Variants in HDAC7 observed in about 807,000 individuals in gnomAD.
The protein encoded by HDAC7 is histone deacetylase 7A.
Under a neutral mutation model 115.5 loss-of-function variants are expected in HDAC7, and 26 were observed. That is an observed-to-expected ratio of 0.23 (90% CI 0.16 to 0.31). The LOEUF (loss-of-function observed/expected upper bound fraction) is 0.31, where lower values mean the gene tolerates loss of function less well. Among genes scored for constraint, HDAC7 ranks in the 10% least tolerant of loss-of-function variants. The probability of loss-of-function intolerance (pLI) is 1.00; values close to 1 mark genes in which losing one functional copy is unlikely to be tolerated. For missense variants in HDAC7, 1,068 were observed against 1,329.0 expected (o/e 0.80, Z 3.05); for synonymous variants, 564 against 550.9 (o/e 1.02, Z -0.33).
At chr12:47,810,803 G>T (rs565705223) in intron 1 of HDAC7, among the ~76,000 whole-genome samples, 5 of 101,640 alleles carry the variant, frequency 4.9e-5, no homozygotes, top group East Asian at 3.4e-4. Flanking sequence ...GGGAGGAAAA[G>T]GTCTCTCTCT....
Position 47,797,219 on chromosome 12 carries a change from T to C in HDAC7, c.578-77A>G, listed in dbSNP as rs1943901682. 6 of 1,560,720 alleles carry C rather than the reference T, an allele frequency of 3.8e-6. No individual in the cohort carries two copies. The African/African-American group carries it at 8.2e-5, about 21-fold the overall frequency. Reference sequence around the variant, plus strand: ...CCCTTTAACCCCTCAGTCCCAGTCATCTCTATCGGTCAAGGAAAGAGAAGG... The same window carrying C: ...CCCTTTAACCCCTCAGTCCCAGTCACCTCTATCGGTCAAGGAAAGAGAAGG... On this transcript the variant is annotated intron_variant, in intron 6 of 25. Coordinates refer to ENST00000080059, the MANE Select transcript of HDAC7 (RefSeq NM_015401.5). The surrounding 1 kb of genome is among the most constrained non-coding windows in gnomAD (Gnocchi z 5.5).
At chr12:47,814,372 G>A (rs1018291386) in intron 1 of HDAC7, among the ~76,000 whole-genome samples, 5 of 152,202 alleles carry the variant, frequency 3.3e-5, no homozygotes, top group Admixed American at 6.5e-5. Context: ...AAGTAAAGTG[G>A]CCACAGAGGC....
chr12:47,802,706 G>T (rs763727466), intron 1 of HDAC7, among the ~76,000 whole-genome samples: 19 of 152,108 alleles, frequency 1.2e-4, no homozygotes, highest in Non-Finnish European at 1.9e-4. Flanking sequence ...GGGATGGCTG[G>T]GGGGACAGGA....
At chr12:47,802,455 C>T in intron 1 of HDAC7, 181 bp from the exon 2 acceptor site, 1 of 1,551,256 alleles carries the variant, frequency 6.4e-7, no homozygotes, top group African/African-American at 1.4e-5. Context: ...CTCCTCCAGT[C>T]CCCCTGCTGG....
chr12:47,791,794 C>A (rs1943537255), intron 14 of HDAC7, 77 bp downstream of exon 14: 1 of 1,559,698 alleles, frequency 6.4e-7, no homozygotes, highest in South Asian at 1.2e-5. Context: ...CTCTCATGGG[C>A]CCCAGGGCCC....
chr12:47,790,059 C>T (rs1943396494), intron 16 of HDAC7, 139 bp from the exon 17 acceptor site: 8 of 648,610 alleles, frequency 1.2e-5, no homozygotes, highest in Non-Finnish European at 1.9e-5. Flanking sequence ...CAGTGCCCCA[C>T]CGCCCAAAGG....
At position 47,809,565 on chromosome 12, in the gene HDAC7, G is replaced by A. The variant is rs540109938; in HGVS notation, c.20-7291C>T. On this transcript the variant is annotated intron_variant, in intron 1 of 25. Transcript: ENST00000080059. ...GGAGGGCAACATCCTCCCACTAAGC[G>A]ATTTTTATTTATTTATTTATTTTGA... Among the ~76,000 whole-genome samples, 15 of 152,082 alleles carry A rather than the reference G, an allele frequency of 9.9e-5. 1 individual carries two copies. In the South Asian group the frequency reaches 2.7e-3, roughly 27 times the overall value.
Position 47,783,684 on chromosome 12 carries a change from C to T in HDAC7, c.*157G>A, listed in dbSNP as rs1437212310. The T allele has an allele frequency of 2.0e-5, 15 of 767,244 alleles. No homozygotes were observed. Among genetic ancestry groups the T allele is most frequent in the Middle Eastern group, 5.2e-4 (2 of 3,868 alleles). 47.5% of individuals were successfully genotyped at this position (767,244 alleles called of 1,614,324 possible). A position where few individuals can be genotyped will look rare whatever the true frequency, so the allele number is the denominator to read the frequency against. ...CATTCTAGACCCAGGGATTTTCTCACGCTCCCTGGGATAACTGTCAAAGCA... is the reference window on the plus strand; with the variant it reads ...CATTCTAGACCCAGGGATTTTCTCATGCTCCCTGGGATAACTGTCAAAGCA... On this transcript the variant is annotated 3_prime_UTR_variant, in exon 26 of 26. Coordinates refer to ENST00000080059, the MANE Select transcript of HDAC7 (RefSeq NM_015401.5).
intron 1 of HDAC7, among the ~76,000 whole-genome samples, chr12:47,811,584 TG>T (rs1470834299): frequency 1.3e-5 from 2 of 152,254 alleles, no homozygotes; most frequent in African/African-American, 2.4e-5. Context: ...GCGTCTGTGA[TG>T]TTTTTTATTT....
At chr12:47,802,456 C>T (rs1220533820) in intron 1 of HDAC7, 182 bp from the exon 2 acceptor site, 1 of 1,551,126 alleles carries the variant, frequency 6.4e-7, no homozygotes, top group Non-Finnish European at 8.7e-7. Flanking sequence ...TCCTCCAGTC[C>T]CCCTGCTGGT....
intron 2 of HDAC7, chr12:47,799,180 G>A (rs1185274400): frequency 3.7e-6 from 2 of 540,192 alleles, no homozygotes; most frequent in South Asian, 2.8e-5. Flanking sequence ...CACATGAACT[G>A]TGCACAGTAA....
intron 21 of HDAC7, 70 bp from the exon 22 acceptor site, chr12:47,786,773 C>T (rs926102424): frequency 5.9e-6 from 7 of 1,186,898 alleles, no homozygotes; most frequent in Middle Eastern, 1.9e-4. Flanking sequence ...GCCAACTTTG[C>T]GGTGGGGCAC....
intron 2 of HDAC7, among the ~76,000 whole-genome samples, chr12:47,801,641 C>T (rs2525052): frequency 0.35 from 53,637 of 152,058 alleles, 10,483 homozygotes; most frequent in African/African-American, 0.5. Context: ...TTGGTTGATA[C>T]TGGCTACACT....
intron 7 of HDAC7, 108 bp from the exon 8 acceptor site, chr12:47,796,406 G>C: frequency 1.5e-6 from 1 of 660,728 alleles, no homozygotes; most frequent in East Asian, 2.9e-5. Context: ...TCCTTAACGA[G>C]CACCTTTGCT....
chr12:47,791,788 C>T (rs1943536824), intron 14 of HDAC7, 82 bp from the exon 15 acceptor site: 1 of 1,586,116 alleles, frequency 6.3e-7, no homozygotes, highest in East Asian at 2.3e-5. Context: ...CCTCATCTCT[C>T]ATGGGCCCCA....
At position 47,802,209 on chromosome 12, in the gene HDAC7, G is replaced by A. The variant is rs752511329; in HGVS notation, c.70+15C>T. The A allele has an allele frequency of 3.2e-5, 51 of 1,611,796 alleles. No homozygotes were observed. Among genetic ancestry groups the A allele is most frequent in the Admixed American group, 6.7e-5 (4 of 59,830 alleles). On this transcript the variant is annotated intron_variant, in intron 2 of 25. Transcript: ENST00000080059. Reference sequence around the variant, plus strand: ...TCCACTCCCTACCATGGACTCCCCCGGGTTTGACTCTTACCTGCGCCAGTG... The same window carrying A: ...TCCACTCCCTACCATGGACTCCCCCAGGTTTGACTCTTACCTGCGCCAGTG...
At position 47,791,302 on chromosome 12, in the gene HDAC7, A is replaced by G; in HGVS notation, c.1940T>C (p.Leu647Pro). 6.3e-7 allele frequency: 1 copy of G among 1,596,518 alleles called. No homozygotes were observed. Among genetic ancestry groups the G allele is most frequent in the South Asian group, 1.1e-5 (1 of 88,126 alleles). ...CAGCATCACAAACATCCGCTGTGCC[A>G]GGAGCCCTGCGGGGAGAGGCCCAGC... ...KLDNGKLAGLLAQRMFVMLPC... is the reference protein window; with the variant it reads ...KLDNGKLAGLPAQRMFVMLPC... Residue 647 changes from leucine to proline, a missense_variant, in exon 16 of 26, where the codon CTG becomes CCG. Physicochemically the swap from Leu to Pro is moderately conservative, Grantham distance 98. This residue lies in a region of HDAC7 where 618 missense variants were observed against 701.5 expected (regional missense o/e 0.88). Transcript: ENST00000080059.
In HDAC7 at chr12:47,795,897, G is replaced by T; in HGVS notation, c.906+9C>A. 2 of 1,545,822 alleles carry T rather than the reference G, an allele frequency of 1.3e-6. No individual in the cohort carries two copies. The highest frequency in any genetic ancestry group is 8.7e-7 in the Non-Finnish European group (1 of 1,144,980). On this transcript the variant is annotated intron_variant, in intron 9 of 25. Transcript: ENST00000080059. This position sits in a 1 kb window ranked among gnomAD's most constrained non-coding sequence, Gnocchi z 4.3. ...GCTTGGAGTGGGGGTGGGCACCCCA[G>T]CCACTCACCCTGGCAGGGGCGGGCA...
rs1451128532 is a variant in HDAC7 at position 47,793,694 on chromosome 12, T to G, written c.1459-106A>C. ...CAAGCAGGCCCCTTTCCTAGAGAGA[T>G]TCCAGGATAAACCTAGACCTGCTGT... On this transcript the variant is annotated intron_variant, in intron 12 of 25. Coordinates refer to ENST00000080059, the MANE Select transcript of HDAC7 (RefSeq NM_015401.5). The surrounding 1 kb of genome is among the most constrained non-coding windows in gnomAD (Gnocchi z 4.5). The G allele has an allele frequency of 2.3e-6, 2 of 868,886 alleles. No individual in the cohort carries two copies. The highest frequency in any genetic ancestry group is 5.5e-5 in the East Asian group (2 of 36,422). 53.8% of individuals were successfully genotyped at this position (868,886 alleles called of 1,614,324 possible).
Sources: gnomAD v4.1 joint callset for allele counts (sites outside exome capture counted in the v4.1 genomes callset) on GRCh38, gnomAD v4.1.1 for gene constraint, gnomAD v4.1.1 regional missense constraint, Gnocchi (gnomAD v3.1) non-coding constraint, MANE v1.5 for transcripts, NCBI Gene and HGNC (gene_info 2026-07-23, HGNC 2026-07-21) for gene names.